SHPRH: variants seen among roughly 807,000 people sequenced by gnomAD.
SHPRH encodes the protein SNF2 histone linker PHD RING helicase.
A neutral mutation model predicts 202.5 loss-of-function variants in SHPRH; 106 were observed. That is an observed-to-expected ratio of 0.52 (90% CI 0.45 to 0.62). The LOEUF is 0.62. SHPRH is among the 20% of genes least tolerant of loss of function. The pLI, the probability that SHPRH is intolerant of heterozygous loss-of-function variation, is 0.00. For missense variants in SHPRH, 1,710 were observed against 2,020.0 expected (o/e 0.85, Z 2.94); for synonymous variants, 729 against 686.0 (o/e 1.06, Z -0.98).
chr6:145,957,651 A>G (rs1439741856), intron 1 of SHPRH, among the ~76,000 whole-genome samples: 1 of 152,182 alleles, frequency 6.6e-6, no homozygotes, highest in Non-Finnish European at 1.5e-5. Flanking sequence ...ACAAATCACA[A>G]TGAGATGCCA....
At chr6:145,883,913 T>G (rs2128702932), downstream of SHPRH, 1 of 152,342 alleles carries the variant, frequency 6.6e-6, no homozygotes, top group East Asian at 1.9e-4. Context: ...AGATACCTTT[T>G]ATTCGACTTA....
At chr6:145,916,591 CT>C (rs1783973358) in intron 23 of SHPRH, among the ~76,000 whole-genome samples, 1 of 151,836 alleles carries the variant, frequency 6.6e-6, no homozygotes, top group Non-Finnish European at 1.5e-5. Context: ...AATGCTTTTT[CT>C]TTTATTAACA....
chr6:145,896,061 A>G (rs1260788388), intron 25 of SHPRH, among the ~76,000 whole-genome samples: 1 of 152,042 alleles, frequency 6.6e-6, no homozygotes, highest in Non-Finnish European at 1.5e-5. Context: ...CTCTCAACAC[A>G]CTTTTACATG....
In SHPRH at chr6:145,931,111, T is replaced by C. The variant is rs139574810; in HGVS notation, c.3112+1946A>G. Among the ~76,000 whole-genome samples, 4 of 152,144 alleles carry C rather than the reference T, an allele frequency of 2.6e-5. No individual in the cohort carries two copies. The East Asian group carries it at 7.7e-4, about 29-fold the overall frequency. On this transcript the variant is annotated intron_variant, in intron 14 of 29. Transcript: ENST00000275233. ...CATATCTTTTTTCATCCTCTTACAT[T>C]TGCATCTTTAAATATAAAGTAGGTT...
In SHPRH at chr6:145,894,213, A is replaced by G. The variant is rs974967394; in HGVS notation, c.4632T>C (p.Ile1544=). The G allele has an allele frequency of 6.2e-7, 1 of 1,603,384 alleles. No individual in the cohort carries two copies. The highest frequency in any genetic ancestry group is 2.3e-5 in the East Asian group (1 of 44,018). ...FSTWQDVLDI[I]SKALTDNNME... is the part of the protein sequence containing the mutation. ...TGTTGTTGTCAGTAAGAGCTTTTGA[A>G]ATAATATCTAATACATCTTGCCACT... is the stretch of plus-strand genomic sequence containing the variant. Residue 1544 remains isoleucine, a synonymous_variant, in exon 27 of 30, where the codon ATT becomes ATC. Coordinates refer to ENST00000275233, the MANE Select transcript of SHPRH (RefSeq NM_001042683.3).
chr6:145,883,618 C>G (rs1270971370), downstream of SHPRH: 1 of 152,190 alleles, frequency 6.6e-6, no homozygotes, highest in Non-Finnish European at 1.5e-5. Context: ...CAGAGGTACA[C>G]AGAGATTCTT....
At chr6:145,920,943 T>C (rs931335116) in intron 21 of SHPRH, among the ~76,000 whole-genome samples, 22 of 152,070 alleles carry the variant, frequency 1.4e-4, no homozygotes, top group African/African-American at 5.3e-4. Context: ...AAGTTCCAGT[T>C]TAATAATGAT....
chr6:145,923,716 G>GCTC lies in SHPRH; in HGVS notation c.3469_3471dup (p.Glu1157dup). On this transcript the variant is annotated inframe_insertion, in exon 18 of 30. Coordinates refer to ENST00000275233, the MANE Select transcript of SHPRH (RefSeq NM_001042683.3). ...ATTTCATTTCGCACTCGCTGAACTAGCTCCTCATCAATAGTAAATTCTATT... is the reference window on the plus strand; with the variant it reads ...ATTTCATTTCGCACTCGCTGAACTAGCTCCTCCTCATCAATAGTAAATTCTATT... The GCTC allele has an allele frequency of 6.2e-7, 1 of 1,611,974 alleles. No individual in the cohort carries two copies. The highest frequency in any genetic ancestry group is 8.5e-7 in the Non-Finnish European group (1 of 1,178,738).
chr6:145,874,185 T>C (rs2253194), intron 2 of SHPRH, among the ~76,000 whole-genome samples: 56,200 of 149,744 alleles, frequency 0.38, 10,932 homozygotes, highest in South Asian at 0.49. Flanking sequence ...GCAACAAGAG[T>C]GAAACTCCAT....
chr6:145,962,488 T>C (rs1471656316), intron 1 of SHPRH, among the ~76,000 whole-genome samples: 1 of 152,198 alleles, frequency 6.6e-6, no homozygotes, highest in African/African-American at 2.4e-5. Flanking sequence ...AATGAAATAC[T>C]AGAACGAGGC....
chr6:145,889,056 TAGAC>T, intron 28 of SHPRH, among the ~76,000 whole-genome samples: 2 of 152,202 alleles, frequency 1.3e-5, no homozygotes, highest in East Asian at 3.9e-4. Context: ...AGATACCTAT[TAGAC>T]AGGTATCCAA....
downstream of SHPRH, among the ~76,000 whole-genome samples, chr6:145,879,845 G>A (rs2128698630): frequency 6.7e-6 from 1 of 150,180 alleles, no homozygotes; most frequent in East Asian, 2.0e-4. Flanking sequence ...CCGGGAGTAG[G>A]AGGTTGTGGT....
chr6:145,922,959 T>TC, intron 18 of SHPRH, 123 bp from the exon 19 acceptor site: 1 of 1,134,506 alleles, frequency 8.8e-7, no homozygotes, highest in Admixed American at 3.3e-5. Context: ...TTTTTTTTTT[T>TC]AACAGCAACA....
chr6:145,921,433 G>A (rs752569611), intron 20 of SHPRH, 41 bp from the exon 21 acceptor site: 2 of 1,576,514 alleles, frequency 1.3e-6, no homozygotes, highest in Non-Finnish European at 1.7e-6. Context: ...ACTGGTATCA[G>A]TGAGTGAAAA....
chr6:145,923,869 A>C, intron 17 of SHPRH, 84 bp from the exon 18 acceptor site: 2 of 1,357,860 alleles, frequency 1.5e-6, no homozygotes, highest in Non-Finnish European at 2.0e-6. Flanking sequence ...GTGATGCCAA[A>C]ATTCAAAGAA....
chr6:145,901,172 T>C (rs1209947342), intron 25 of SHPRH, among the ~76,000 whole-genome samples: 8 of 152,138 alleles, frequency 5.3e-5, no homozygotes, highest in East Asian at 1.9e-4. Context: ...TACACTCCCT[T>C]GTCTCCAAAT....
intron 15 of SHPRH, 65 bp downstream of exon 15, chr6:145,927,124 T>C: frequency 7.0e-7 from 1 of 1,428,180 alleles, no homozygotes; most frequent in Non-Finnish European, 9.7e-7. Flanking sequence ...TCTTAAACAT[T>C]CAGAAAAATT....
chr6:145,959,925 C>T (rs2128811627), intron 1 of SHPRH, among the ~76,000 whole-genome samples: 1 of 152,298 alleles, frequency 6.6e-6, no homozygotes, highest in African/African-American at 2.4e-5. Context: ...GTCCAGTTTT[C>T]CTCAAAGCAT....
chr6:145,865,407 T>C (rs1337745641), intron 2 of SHPRH, among the ~76,000 whole-genome samples: 5 of 152,184 alleles, frequency 3.3e-5, no homozygotes, highest in Admixed American at 3.3e-4. Flanking sequence ...AACCCAACCA[T>C]GTGACATCCT....
Sources: gnomAD v4.1 joint callset for allele counts (sites outside exome capture counted in the v4.1 genomes callset) on GRCh38, gnomAD v4.1.1 for gene constraint, MANE v1.5 for transcripts, NCBI Gene and HGNC (gene_info 2026-07-23, HGNC 2026-07-21) for gene names.